KHDRBS2: variants seen among roughly 807,000 people sequenced by gnomAD.
KHDRBS2 encodes the protein KH RNA binding domain containing, signal transduction associated 2, also known as KH domain-containing, RNA-binding, signal transduction-associated protein 2.
Under a neutral mutation model 44.3 loss-of-function variants are expected in KHDRBS2, and 26 were observed. That is an observed-to-expected ratio of 0.59 (90% CI 0.43 to 0.81). KHDRBS2 has a LOEUF of 0.81. Among genes scored for constraint, KHDRBS2 ranks in the 40% least tolerant of loss-of-function variants. The pLI is 0.00. For synonymous variants in KHDRBS2, 194 were observed against 151.1 expected (o/e 1.28, Z -2.08); for missense variants, 476 against 433.1 (o/e 1.10, Z -0.88).
intron 8 of KHDRBS2, among the ~76,000 whole-genome samples, chr6:61,693,007 C>A (rs1767533615): frequency 6.6e-6 from 1 of 152,044 alleles, no homozygotes; most frequent in South Asian, 2.1e-4. Context: ...CAATGTAACA[C>A]AGAGGAGTTA....
intron 2 of KHDRBS2, among the ~76,000 whole-genome samples, chr6:62,148,769 A>G (rs1264974149): frequency 6.6e-6 from 1 of 152,100 alleles, no homozygotes; most frequent in Non-Finnish European, 1.5e-5. Context: ...GGTACTGGAC[A>G]AAGGACAGAA....
At chr6:61,563,952 A>G in the KHDRBS2 span, among the ~76,000 whole-genome samples, 1 of 152,142 alleles carries the variant, frequency 6.6e-6, no homozygotes, top group African/African-American at 2.4e-5. Context: ...GAGTCCGCTT[A>G]TGACCTTGGA....
intron 2 of KHDRBS2, among the ~76,000 whole-genome samples, chr6:62,052,647 G>C (rs1789342531): frequency 6.7e-6 from 1 of 148,766 alleles, no homozygotes; most frequent in Admixed American, 6.7e-5. Context: ...AGGAGGGTGG[G>C]GGTGTTTTGA....
intron 8 of KHDRBS2, among the ~76,000 whole-genome samples, chr6:61,693,568 T>C (rs1368073814): frequency 6.6e-6 from 1 of 152,182 alleles, no homozygotes; most frequent in Non-Finnish European, 1.5e-5. Context: ...AGTTATTAGG[T>C]AAAAATTGCT....
At chr6:61,722,894 A>G (rs1226151464) in intron 7 of KHDRBS2, among the ~76,000 whole-genome samples, 2 of 151,990 alleles carry the variant, frequency 1.3e-5, no homozygotes, top group African/African-American at 4.8e-5. Context: ...TACTTTTAGT[A>G]GAGATGGGGT....
intron 1 of KHDRBS2, among the ~76,000 whole-genome samples, chr6:62,229,348 C>T (rs1832495464): frequency 6.6e-6 from 1 of 152,150 alleles, no homozygotes; most frequent in Non-Finnish European, 1.5e-5. Context: ...ACCAAGCCAT[C>T]TAGCCTCCCA....
At chr6:61,963,200 T>G (rs1161782436) in intron 4 of KHDRBS2, among the ~76,000 whole-genome samples, 1 of 152,106 alleles carries the variant, frequency 6.6e-6, no homozygotes, top group East Asian at 1.9e-4. Context: ...AAACATGAGA[T>G]AAACTCCTGG....
intron 2 of KHDRBS2, among the ~76,000 whole-genome samples, chr6:62,155,184 G>T (rs1323883750): frequency 6.6e-6 from 1 of 152,108 alleles, no homozygotes; most frequent in Non-Finnish European, 1.5e-5. Flanking sequence ...AAAAAAAATG[G>T]ACAGGATTTA....
chr6:61,597,072 G>T, the KHDRBS2 span, among the ~76,000 whole-genome samples: 1 of 152,150 alleles, frequency 6.6e-6, no homozygotes, highest in Non-Finnish European at 1.5e-5. Flanking sequence ...ATAGGTAAAG[G>T]CCTAGTTAAG....
the KHDRBS2 span, among the ~76,000 whole-genome samples, chr6:61,566,360 T>A: frequency 6.6e-6 from 1 of 152,160 alleles, no homozygotes; most frequent in Non-Finnish European, 1.5e-5. Flanking sequence ...CAATAATGCA[T>A]AATGTATTTT....
chr6:61,742,931 C>G (rs1360864046), intron 6 of KHDRBS2, among the ~76,000 whole-genome samples: 1 of 152,004 alleles, frequency 6.6e-6, no homozygotes, highest in Non-Finnish European at 1.5e-5. Flanking sequence ...AATATAAAGG[C>G]TGGAAATTGC....
chr6:62,069,085 C>A (rs1794408369), intron 2 of KHDRBS2, among the ~76,000 whole-genome samples: 1 of 151,328 alleles, frequency 6.6e-6, no homozygotes. Flanking sequence ...TAGAGTTGAC[C>A]CTTGAACAAC....
At chr6:61,976,774 T>G (rs1156385482) in intron 4 of KHDRBS2, among the ~76,000 whole-genome samples, 2 of 152,272 alleles carry the variant, frequency 1.3e-5, no homozygotes, top group South Asian at 4.1e-4. Flanking sequence ...ATACTATGTA[T>G]GCTATCAGAG....
At chr6:62,208,806 T>A (rs1361274643) in intron 1 of KHDRBS2, among the ~76,000 whole-genome samples, 1 of 152,204 alleles carries the variant, frequency 6.6e-6, no homozygotes, top group Non-Finnish European at 1.5e-5. Flanking sequence ...TGATAGTGGT[T>A]TCAACTTGCA....
At chr6:61,839,508 G>T (rs1793263947) in intron 6 of KHDRBS2, among the ~76,000 whole-genome samples, 1 of 152,112 alleles carries the variant, frequency 6.6e-6, no homozygotes, top group African/African-American at 2.4e-5. Flanking sequence ...AGGATTCATT[G>T]TTGGTTAGGT....
chr6:61,655,259 C>CAT, the KHDRBS2 span, among the ~76,000 whole-genome samples: 2 of 148,668 alleles, frequency 1.3e-5, no homozygotes, highest in Admixed American at 6.8e-5. Context: ...CACACACACA[C>CAT]ACTATTTATT....
the KHDRBS2 span, among the ~76,000 whole-genome samples, chr6:61,583,925 A>C: frequency 5.3e-5 from 8 of 151,498 alleles, no homozygotes; most frequent in Admixed American, 5.3e-4. Context: ...TTATGTATAT[A>C]TATATCTTTT....
At chr6:61,812,427 C>A (rs1433839543) in intron 6 of KHDRBS2, among the ~76,000 whole-genome samples, 2 of 152,032 alleles carry the variant, frequency 1.3e-5, no homozygotes, top group African/African-American at 4.8e-5. Context: ...TCATGAGGAG[C>A]TTTAAGTGAA....
At chr6:62,254,724 A>C (rs1281336892) in intron 1 of KHDRBS2, among the ~76,000 whole-genome samples, 1 of 152,042 alleles carries the variant, frequency 6.6e-6, no homozygotes, top group East Asian at 1.9e-4. Flanking sequence ...CAGCAGCCAG[A>C]TGCGGGAGTA....
Sources: allele counts gnomAD v4.1 joint callset (sites outside exome capture counted in the v4.1 genomes callset), GRCh38; gene constraint gnomAD v4.1.1; transcripts MANE v1.5; gene names NCBI Gene and HGNC (gene_info 2026-07-23, HGNC 2026-07-21).